ZFP2: variants seen among roughly 807,000 people sequenced by gnomAD.
ZFP2 encodes the protein ZFP2 zinc finger protein.
Under a neutral mutation model 36.1 loss-of-function variants are expected in ZFP2, and 33 were observed. The observed-to-expected ratio is 0.92, with a 90% CI of 0.69 to 1.22. The LOEUF is 1.22. Among genes scored for constraint, ZFP2 ranks in the 50% most tolerant of loss-of-function variants. The pLI is 0.00. For missense variants in ZFP2, 522 were observed against 551.4 expected, an observed-to-expected ratio of 0.95 and a Z score of 0.53; for synonymous variants, 170 against 178.0, an observed-to-expected ratio of 0.96 and a Z score of 0.36.
chr5:178,926,779 G>C (rs746390523), intron 4 of ZFP2, among the ~76,000 whole-genome samples: 3 of 151,924 alleles, frequency 2.0e-5, no homozygotes, highest in Non-Finnish European at 4.4e-5. Flanking sequence ...CGGCCTCCCA[G>C]AGTTCTGGGA....
At chr5:178,899,101 A>G (rs1435405749) in intron 1 of ZFP2, among the ~76,000 whole-genome samples, 2 of 152,134 alleles carry the variant, frequency 1.3e-5, no homozygotes, top group African/African-American at 4.8e-5. Context: ...GTGTTTGCCC[A>G]TCTCAGGGGT....
chr5:178,922,747 G>A lies in ZFP2; in HGVS notation c.-78+6037G>A, dbSNP rs1758584205. The A allele has an allele frequency of 8.4e-6, 13 of 1,546,312 alleles. 2 individuals carry two copies. The highest frequency in any genetic ancestry group is 1.1e-5 in the Non-Finnish European group (13 of 1,134,206). On this transcript the variant is annotated intron_variant, in intron 4 of 4. Transcript: ENST00000361362. ...CTGGAGCAAAGGGAGATATTTCTTT[G>A]TGCAGATTCTGTAAGGGCTGTGCAG...
At chr5:178,929,265 C>T (rs1362496951) in intron 4 of ZFP2, among the ~76,000 whole-genome samples, 1 of 152,268 alleles carries the variant, frequency 6.6e-6, no homozygotes, top group Non-Finnish European at 1.5e-5. Context: ...CAAATTTCTG[C>T]AGCCTGCTTG....
chr5:178,926,209 TC>T (rs934910640), intron 4 of ZFP2, among the ~76,000 whole-genome samples: 34 of 152,046 alleles, frequency 2.2e-4, no homozygotes, highest in African/African-American at 8.0e-4. Flanking sequence ...CCAACATTTT[TC>T]TTTCTTCTTT....
In ZFP2 at chr5:178,932,525, T is replaced by TA; in HGVS notation, c.1213dup (p.Thr405AsnfsTer3). 3 of 1,614,142 alleles carry TA rather than the reference T, an allele frequency of 1.9e-6. No individual in the cohort carries two copies. The highest frequency in any genetic ancestry group is 2.5e-6 in the Non-Finnish European group (3 of 1,180,020). The stretch of plus-strand genomic sequence containing the variant: ...ACCTTATTGAACATCAAAGAATTCA[T>TA]ACTGGTGAGAAACCCTATGAATGTG... On this transcript the variant is annotated frameshift_variant, in exon 5 of 5. Coordinates refer to ENST00000361362, the MANE Select transcript of ZFP2 (RefSeq NM_030613.4). LOFTEE classifies it high-confidence loss of function.
At chr5:178,910,438 G>A in intron 1 of ZFP2, 1 of 754,660 alleles carries the variant, frequency 1.3e-6, no homozygotes, top group Non-Finnish European at 2.4e-6. Context: ...CGGCCTTCTT[G>A]GTCCCATTGA....
intron 1 of ZFP2, among the ~76,000 whole-genome samples, chr5:178,907,329 A>G (rs1431713711): frequency 1.3e-5 from 2 of 151,538 alleles, no homozygotes; most frequent in African/African-American, 4.8e-5. Context: ...GTACACATAT[A>G]TATTTTATAT....
intron 1 of ZFP2, among the ~76,000 whole-genome samples, chr5:178,912,222 C>G (rs753860989): frequency 2.0e-5 from 3 of 152,230 alleles, no homozygotes; most frequent in Non-Finnish European, 4.4e-5. Flanking sequence ...TCGACCTCAT[C>G]TGTTGAGTGT....
At position 178,931,872 on chromosome 5, in the gene ZFP2, C is replaced by T. The variant is rs116172955; in HGVS notation, c.559C>T (p.Gln187Ter). Residue 187 changes from glutamine (Q) to a stop codon, truncating the protein, a stop_gained, in exon 5 of 5, where the codon CAG becomes TAG. Coordinates refer to ENST00000361362, the MANE Select transcript of ZFP2 (RefSeq NM_030613.4). LOFTEE classifies it high-confidence loss of function. ...QRTHTGEKPY[Q>*]CKECGKAFHK... ...AACTCACACCGGAGAGAAACCCTAT[C>T]AGTGTAAAGAGTGTGGCAAAGCCTT... 11 of 1,612,578 alleles carry T rather than the reference C, an allele frequency of 6.8e-6. No individual in the cohort carries two copies. The African/African-American group carries it at 1.5e-4, about 22-fold the overall frequency.
At chr5:178,930,491 T>G (rs1319028242) in intron 4 of ZFP2, among the ~76,000 whole-genome samples, 1 of 151,788 alleles carries the variant, frequency 6.6e-6, no homozygotes, top group Non-Finnish European at 1.5e-5. Context: ...CAGCTAATTT[T>G]TGTGTATTTA....
At chr5:178,915,295 T>C (rs1192953491) in intron 3 of ZFP2, among the ~76,000 whole-genome samples, 1 of 151,088 alleles carries the variant, frequency 6.6e-6, no homozygotes, top group African/African-American at 2.4e-5. Context: ...GCTTCCCTAC[T>C]GGGTTAGAAC....
chr5:178,903,562 G>T (rs544257789), intron 1 of ZFP2, among the ~76,000 whole-genome samples: 1 of 152,246 alleles, frequency 6.6e-6, no homozygotes, highest in South Asian at 2.1e-4. Context: ...GCTATACGTT[G>T]CCAGTATTCT....
In ZFP2 at chr5:178,899,694, G is replaced by A. The variant is rs116067920; in HGVS notation, c.-450+3720G>A. Among the ~76,000 whole-genome samples, 1,343 of 152,152 alleles carry A rather than the reference G, an allele frequency of 8.8e-3. 21 individuals are homozygous for A. The highest frequency in any genetic ancestry group is 0.03 in the African/African-American group (1,251 of 41,494). ...AGTAGTGTCCGTGAGATGGAGGGAA[G>A]CATGGAGCTGGGATAGTAGGTGAGG... On this transcript the variant is annotated intron_variant, in intron 1 of 4. Coordinates refer to ENST00000361362, the MANE Select transcript of ZFP2 (RefSeq NM_030613.4).
intron 4 of ZFP2, among the ~76,000 whole-genome samples, chr5:178,918,483 A>G (rs1581837482): frequency 6.6e-6 from 1 of 152,188 alleles, no homozygotes; most frequent in Admixed American, 6.5e-5. Context: ...ACACACCCAT[A>G]CTGTGCAAGC....
chr5:178,907,519 C>A (rs1490349204), intron 1 of ZFP2, among the ~76,000 whole-genome samples: 2 of 151,852 alleles, frequency 1.3e-5, no homozygotes, highest in East Asian at 3.9e-4. Flanking sequence ...GGAAAGGGCA[C>A]AAATTTAACT....
At chr5:178,919,301 TA>T (rs1440458920) in intron 4 of ZFP2, among the ~76,000 whole-genome samples, 2 of 152,230 alleles carry the variant, frequency 1.3e-5, no homozygotes, top group Admixed American at 6.5e-5. Context: ...ATTTCCTGGA[TA>T]AATCCTTCTT....
chr5:178,918,916 A>C (rs1257431821), intron 4 of ZFP2, among the ~76,000 whole-genome samples: 1 of 152,200 alleles, frequency 6.6e-6, no homozygotes, highest in Non-Finnish European at 1.5e-5. Context: ...TATACTGCTC[A>C]GGCTCCAAGC....
chr5:178,916,033 ATGAG>A (rs1232777617), intron 3 of ZFP2, among the ~76,000 whole-genome samples: 1 of 152,198 alleles, frequency 6.6e-6, no homozygotes, highest in Non-Finnish European at 1.5e-5. Context: ...GGATGAATGA[ATGAG>A]TGGGCAGGGC....
intron 1 of ZFP2, among the ~76,000 whole-genome samples, chr5:178,903,294 G>A (rs1484359312): frequency 1.3e-5 from 2 of 152,088 alleles, no homozygotes; most frequent in East Asian, 1.9e-4. Flanking sequence ...GAATTGTCTA[G>A]GTGTTACTTT....
Sources: allele counts gnomAD v4.1 joint callset (sites outside exome capture counted in the v4.1 genomes callset), GRCh38; gene constraint gnomAD v4.1.1; transcripts MANE v1.5; gene names NCBI Gene and HGNC (gene_info 2026-07-23, HGNC 2026-07-21).